ASPM: variants seen among roughly 807,000 people sequenced by gnomAD.
ASPM encodes the protein assembly factor for spindle microtubules.
A neutral mutation model predicts 366.4 loss-of-function variants in ASPM; 256 were observed. That is an observed-to-expected ratio of 0.70 (90% CI 0.63 to 0.77). ASPM has a LOEUF of 0.77. ASPM is among the 30% of genes least tolerant of loss of function. The probability of loss-of-function intolerance (pLI) is 0.00; values close to 1 mark genes in which losing one functional copy is unlikely to be tolerated. For missense variants in ASPM, 4,146 were observed against 4,090.4 expected (o/e 1.01, Z -0.37); for synonymous variants, 1,414 against 1,342.9 (o/e 1.05, Z -1.16).
intron 25 of ASPM, among the ~76,000 whole-genome samples, 166 bp from the exon 26 acceptor site, chr1:197,088,598 A>G (rs772704211): frequency 9.9e-5 from 15 of 152,134 alleles, no homozygotes; most frequent in South Asian, 2.1e-4. Context: ...TATTATCATT[A>G]TTTACGGATC....
Position 197,102,117 on chromosome 1 carries a change from C to A in ASPM, c.7134G>T (p.Arg2378Ser). The A allele has an allele frequency of 1.2e-6, 2 of 1,612,902 alleles. No homozygotes were observed. Among genetic ancestry groups the A allele is most frequent in the Non-Finnish European group, 1.7e-6 (2 of 1,179,262 alleles). The part of the protein sequence containing the change: ...YQANRAAKLQ[R>S]QHYLRQRHSA... ...AGTGTCTTTGTCTGAGATAATGCTGCCTCTGCAGTTTTGCAGCTCTATTTG... is the reference window on the plus strand; with the variant it reads ...AGTGTCTTTGTCTGAGATAATGCTGACTCTGCAGTTTTGCAGCTCTATTTG... The change falls in exon 18 of 28, where the codon AGG (arginine) becomes AGT (serine). Residue 2378 changes from arginine (R) to serine (S), a missense_variant. Arg to Ser is a moderately radical substitution (Grantham distance 110). Around this residue, in one of 3 missense-constraint regions of ASPM, gnomAD observed 3,624 missense variants for 3,591.7 expected, o/e 1.01. Coordinates refer to ENST00000367409, the MANE Select transcript of ASPM (RefSeq NM_018136.5).
At chr1:197,129,422 T>C in intron 8 of ASPM, 105 bp from the exon 9 acceptor site, 1 of 1,280,406 alleles carries the variant, frequency 7.8e-7, no homozygotes, top group Non-Finnish European at 1.1e-6. Context: ...ACAAAAAGTG[T>C]AGGGTAGCAA....
At chr1:197,129,435 A>G in intron 8 of ASPM, 118 bp from the exon 9 acceptor site, 1 of 1,090,490 alleles carries the variant, frequency 9.2e-7, no homozygotes, top group Non-Finnish European at 1.3e-6. Flanking sequence ...GGTAGCAAGC[A>G]CAAATAAAAC....
At chr1:197,115,045 C>T (rs901969276) in intron 17 of ASPM, among the ~76,000 whole-genome samples, 2 of 151,986 alleles carry the variant, frequency 1.3e-5, no homozygotes, top group Admixed American at 6.6e-5. Flanking sequence ...CCATCATGCC[C>T]AGCTTATTTT....
chr1:197,096,287 A>C (rs1656973996), intron 18 of ASPM, 123 bp from the exon 19 acceptor site: 1 of 828,596 alleles, frequency 1.2e-6, no homozygotes, highest in Admixed American at 2.0e-5. Flanking sequence ...TTGCATAGTC[A>C]TATCATGACT....
intron 3 of ASPM, 109 bp downstream of exon 3, chr1:197,142,222 C>A: frequency 1.7e-6 from 2 of 1,210,454 alleles, no homozygotes; most frequent in South Asian, 1.3e-5. Flanking sequence ...ATGTACCCAG[C>A]AAATAAGTAA....
In ASPM at chr1:197,133,402, A is replaced by C; in HGVS notation, c.2367T>G (p.Ile789Met). The C allele has an allele frequency of 1.2e-6, 2 of 1,613,976 alleles. No homozygotes were observed. The highest frequency in any genetic ancestry group is 2.2e-5 in the South Asian group (2 of 91,058). Residue 789 changes from isoleucine (I) to methionine (M), a missense_variant, in exon 6 of 28, where the codon ATT becomes ATG. By Grantham distance (10) the Ile-to-Met change is conservative. This residue lies in a region of ASPM where 3,624 missense variants were observed against 3,591.7 expected (regional missense o/e 1.01). Coordinates refer to ENST00000367409, the MANE Select transcript of ASPM (RefSeq NM_018136.5). ...TTCGAACAATTAACCGCCTAGCTTC[A>C]ATTTCAATTTCAAGCTTTTTAATAG... ...VKAIKKLEIE[I>M]EARRLIVRKD...
rs1656604891 is a variant in ASPM, at chr1:197,086,863, T to C, written c.10271A>G (p.Asn3424Ser). The part of the protein sequence containing the change: ...TERILYKQKK[N>S]SSISIPFIPE... Reference sequence around the variant, plus strand: ...GATAAAAGGAATGCTTATAGAAGAATTCTTCTTTTGCTTGTAAAGTATTCT... The same window carrying C: ...GATAAAAGGAATGCTTATAGAAGAACTCTTCTTTTGCTTGTAAAGTATTCT... The change falls in exon 27 of 28, where the codon AAT becomes AGT. Residue 3424 changes from asparagine (N) to serine (S), a missense_variant. By Grantham distance (46) the Asn-to-Ser change is conservative. Coordinates refer to ENST00000367409, the MANE Select transcript of ASPM (RefSeq NM_018136.5). 9.3e-6 allele frequency: 15 copies of C among 1,612,234 alleles called. No homozygotes were observed. The highest frequency in any genetic ancestry group is 1.3e-5 in the Non-Finnish European group (15 of 1,178,744).
rs895548155 is a variant in ASPM at position 197,122,611 on chromosome 1, A to T, written c.3391-16T>A. ...AATTCTCCACCTGATTGAAAATGCC[A>T]GAAAAACAATTAACCGCATTTAGAA... On this transcript the variant is annotated splice_polypyrimidine_tract_variant and intron_variant, in intron 13 of 27. Coordinates refer to ENST00000367409, the MANE Select transcript of ASPM (RefSeq NM_018136.5). The T allele has an allele frequency of 1.9e-6, 3 of 1,579,912 alleles. No homozygotes were observed. The highest frequency in any genetic ancestry group is 2.6e-6 in the Non-Finnish European group (3 of 1,158,788).
Position 197,101,254 on chromosome 1 carries a change from G to A in ASPM, c.7997C>T (p.Thr2666Ile). 1 of 1,611,754 alleles carries A rather than the reference G, an allele frequency of 6.2e-7. No homozygotes were observed. The highest frequency in any genetic ancestry group is 8.5e-7 in the Non-Finnish European group (1 of 1,178,654). The change falls in exon 18 of 28, where the codon ACC (threonine) becomes ATC (isoleucine). Residue 2666 changes from threonine to isoleucine, a missense_variant. Coordinates refer to ENST00000367409, the MANE Select transcript of ASPM (RefSeq NM_018136.5). Reference sequence around the variant, plus strand: ...AGACTGTATACAAATAACTGCTTGGGTACGCACTGCAGTTAGTTTTCTGTA... The same window carrying A: ...AGACTGTATACAAATAACTGCTTGGATACGCACTGCAGTTAGTTTTCTGTA... The part of the protein sequence containing the change: ...RRYRKLTAVR[T>I]QAVICIQSYY...
chr1:197,090,947 T>G lies in ASPM; in HGVS notation c.9539A>C (p.Gln3180Pro), dbSNP rs193251130. Residue 3180 changes from glutamine (Q) to proline (P), a missense_variant, in exon 23 of 28, where the codon CAG becomes CCG. Physicochemically the swap from Gln to Pro is moderately conservative, Grantham distance 76 (BLOSUM62 -1). Transcript: ENST00000367409. The part of the protein sequence containing the change: ...IEHEGQECLS[Q>P]RNRAASVIQK... The stretch of plus-strand genomic sequence containing the variant: ...TATTACTGATGCAGCCCTATTTCGC[T>G]GGCTCAGACATTCTTGACCTTCATG... 2.2e-3 allele frequency: 3,530 copies of G among 1,613,386 alleles called. 113 individuals carry two copies. In the South Asian group the frequency reaches 0.036, roughly 16 times the overall value.
At chr1:197,091,796 C>A in intron 22 of ASPM, 111 bp downstream of exon 22, 1 of 1,158,178 alleles carries the variant, frequency 8.6e-7, no homozygotes, top group Non-Finnish European at 1.2e-6. Context: ...AGGTGAAAGG[C>A]TAAATGTTGT....
At chr1:197,108,134 C>T (rs2125098229) in intron 17 of ASPM, among the ~76,000 whole-genome samples, 1 of 151,770 alleles carries the variant, frequency 6.6e-6, no homozygotes, top group South Asian at 2.1e-4. Flanking sequence ...AATCTCCAAA[C>T]ATTTAGAAAG....
chr1:197,139,732 T>A (rs760848680), intron 4 of ASPM, 35 bp downstream of exon 4: 1 of 1,446,460 alleles, frequency 6.9e-7, no homozygotes, highest in Admixed American at 1.7e-5. Flanking sequence ...TTCGATGTCA[T>A]GTTTTCAGAG....
Position 197,101,315 on chromosome 1 carries a change from G to T in ASPM, c.7936C>A (p.His2646Asn). 1 of 1,611,408 alleles carries T rather than the reference G, an allele frequency of 6.2e-7. No individual in the cohort carries two copies. Among genetic ancestry groups the T allele is most frequent in the Non-Finnish European group, 8.5e-7 (1 of 1,178,840 alleles). ...ATAGAAACTACTGTTGCTCTAAGGT[G>T]GAGATAATGCTTCCTTATTTTAAAG... ...KAFKIRKHYL[H>N]LRATVVSIQR... Residue 2646 changes from histidine (H) to asparagine (N), a missense_variant, in exon 18 of 28, where the codon CAC becomes AAC. Physicochemically the swap from His to Asn is moderately conservative, Grantham distance 68. Transcript: ENST00000367409.
At chr1:197,127,840 G>A (rs1658134974) in intron 10 of ASPM, among the ~76,000 whole-genome samples, 1 of 152,062 alleles carries the variant, frequency 6.6e-6, no homozygotes, top group South Asian at 2.1e-4. Flanking sequence ...GGTCTCAAAT[G>A]ATATAAAATT....
In ASPM at chr1:197,084,446, AGTCTGGCATTAAT is replaced by A; in HGVS notation, c.10332-33_10332-21del. 6.7e-7 allele frequency: 1 copy of A among 1,486,264 alleles called. No individual in the cohort carries two copies. The highest frequency in any genetic ancestry group is 9.3e-7 in the Non-Finnish European group (1 of 1,071,178). 92.1% of individuals were successfully genotyped at this position (1,486,264 alleles called of 1,614,324 possible). A position where few individuals can be genotyped will look rare whatever the true frequency, so the allele number is the denominator to read the frequency against. On this transcript the variant is annotated intron_variant, in intron 27 of 27. Transcript: ENST00000367409. ...TTAAGTCTGTTAAAAAAAAAAAAAA[AGTCTGGCATTAAT>A]AAAGTTCTTCTCTTTAGAGTTACCT...
Position 197,142,821 on chromosome 1 carries a change from A to T in ASPM, c.1431T>A (p.Asp477Glu). 6.2e-7 allele frequency: 1 copy of T among 1,613,664 alleles called. No individual in the cohort carries two copies. The highest frequency in any genetic ancestry group is 1.1e-5 in the South Asian group (1 of 91,066). The change falls in exon 3 of 28, where the codon GAT becomes GAA. Residue 477 changes from aspartate to glutamate, a missense_variant. Transcript: ENST00000367409. ...QNNPKFSAVQDISSHSHNKQP... is the reference protein window; with the variant it reads ...QNNPKFSAVQEISSHSHNKQP... Reference sequence around the variant, plus strand: ...GTTTATTGTGGCTATGACTAGAAATATCCTGAACTGCAGAAAATTTAGGAT... The same window carrying T: ...GTTTATTGTGGCTATGACTAGAAATTTCCTGAACTGCAGAAAATTTAGGAT...
In ASPM at chr1:197,102,147, GT is replaced by G; in HGVS notation, c.7103del (p.Tyr2368SerfsTer22). The G allele has an allele frequency of 1.2e-6, 2 of 1,612,876 alleles. No individual in the cohort carries two copies. The highest frequency in any genetic ancestry group is 1.7e-6 in the Non-Finnish European group (2 of 1,179,286). On this transcript the variant is annotated frameshift_variant, in exon 18 of 28. Coordinates refer to ENST00000367409, the MANE Select transcript of ASPM (RefSeq NM_018136.5). LOFTEE classifies it high-confidence loss of function. The part of the protein sequence containing the change: ...KQASVVIQQQ[Y>X]QANRAAKLQR... ...GCAGTTTTGCAGCTCTATTTGCTTGGTATTGCTGTTGGATCACAACGGAGGC... is the reference window on the plus strand; with the variant it reads ...GCAGTTTTGCAGCTCTATTTGCTTGGATTGCTGTTGGATCACAACGGAGGC...
Sources: gnomAD v4.1 joint callset for allele counts (sites outside exome capture counted in the v4.1 genomes callset) on GRCh38, gnomAD v4.1.1 for gene constraint, gnomAD v4.1.1 regional missense constraint, MANE v1.5 for transcripts, NCBI Gene and HGNC (gene_info 2026-07-23, HGNC 2026-07-21) for gene names.